The following TMEM50B variants were observed in gnomAD, a reference collection of about 807,000 sequenced individuals.
The protein encoded by TMEM50B is HCV p7-trans-regulated protein 3.
Under a neutral mutation model 23.4 loss-of-function variants are expected in TMEM50B, and 14 were observed. The ratio of observed to expected loss-of-function variants is 0.60; its 90% CI spans 0.39 to 0.93. The LOEUF (loss-of-function observed/expected upper bound fraction) is 0.93, where lower values mean the gene tolerates loss of function less well. Among genes scored for constraint, TMEM50B ranks in the 40% least tolerant of loss-of-function variants. The pLI is 0.00. For synonymous variants in TMEM50B, 64 were observed against 62.3 expected (o/e 1.03, Z -0.13); for missense variants, 159 against 193.0 (o/e 0.82, Z 1.04).
At chr21:33,455,886 ACTG>A in intron 5 of TMEM50B, 102 bp from the exon 6 acceptor site, 1 of 838,612 alleles carries the variant, frequency 1.2e-6, no homozygotes, top group Non-Finnish European at 2.1e-6. Context: ...ATTACAACAT[ACTG>A]CTATTATTCA....
intron 8 of TMEM50B, chr21:33,436,729 AT>A: frequency 4.0e-6 from 4 of 994,666 alleles, no homozygotes; most frequent in Non-Finnish European, 5.9e-6. Context: ...CAAAAAAAAA[AT>A]AAAAATAAAA....
intron 8 of TMEM50B, chr21:33,437,253 T>A (rs182759952): frequency 5.3e-6 from 2 of 377,202 alleles, no homozygotes; most frequent in East Asian, 1.2e-4. Flanking sequence ...GCAAAATGGA[T>A]ATGACACATC....
intron 1 of TMEM50B, among the ~76,000 whole-genome samples, chr21:33,476,875 CAA>C (rs1244407779): frequency 6.6e-6 from 1 of 151,280 alleles, no homozygotes. Flanking sequence ...CCTAGAACGA[CAA>C]AAAGATTTTC....
chr21:33,470,036 A>G (rs2084298675), intron 1 of TMEM50B, among the ~76,000 whole-genome samples: 1 of 152,200 alleles, frequency 6.6e-6, no homozygotes, highest in Non-Finnish European at 1.5e-5. Flanking sequence ...GTAGCATACT[A>G]TTTTTAAAAA....
chr21:33,441,271 C>T (rs372459609), intron 7 of TMEM50B, among the ~76,000 whole-genome samples: 1 of 152,012 alleles, frequency 6.6e-6, no homozygotes, highest in Non-Finnish European at 1.5e-5. Flanking sequence ...TTTAAAGAAG[C>T]CTGCATAGTC....
chr21:33,457,424 T>G (rs1340709815), intron 5 of TMEM50B, among the ~76,000 whole-genome samples: 1 of 151,780 alleles, frequency 6.6e-6, no homozygotes, highest in East Asian at 1.9e-4. Flanking sequence ...CCAAGGTGGG[T>G]AGATCGTCTG....
At chr21:33,432,492 T>G (rs879072597) in exon 9 of TMEM50B, 16 of 882,802 alleles carry the variant, frequency 1.8e-5, no homozygotes, top group Non-Finnish European at 2.8e-5. Context: ...GTGCTGAGAT[T>G]TGCAGTAGTG....
intron 7 of TMEM50B, among the ~76,000 whole-genome samples, chr21:33,440,957 C>T (rs568016190): frequency 1.3e-5 from 2 of 151,906 alleles, no homozygotes; most frequent in South Asian, 4.2e-4. Context: ...TGGCAGGGCA[C>T]GGCGGCTCAC....
chr21:33,454,836 G>A (rs1428848854), intron 6 of TMEM50B, among the ~76,000 whole-genome samples: 11 of 151,782 alleles, frequency 7.2e-5, no homozygotes, highest in Non-Finnish European at 1.5e-5. Context: ...TATAAAATGG[G>A]AATAACACTG....
At chr21:33,456,883 A>C (rs767028834) in intron 5 of TMEM50B, among the ~76,000 whole-genome samples, 2 of 152,264 alleles carry the variant, frequency 1.3e-5, no homozygotes, top group East Asian at 3.8e-4. Context: ...TAGTTCAAGC[A>C]AATCTGTACA....
intron 1 of TMEM50B, among the ~76,000 whole-genome samples, chr21:33,476,196 C>G (rs1480687579): frequency 6.6e-6 from 1 of 152,154 alleles, no homozygotes; most frequent in Non-Finnish European, 1.5e-5. Flanking sequence ...GAGTTCAAGA[C>G]CAGCCTGACA....
At chr21:33,452,168 T>G (rs2084127686) in intron 6 of TMEM50B, among the ~76,000 whole-genome samples, 1 of 152,218 alleles carries the variant, frequency 6.6e-6, no homozygotes, top group Non-Finnish European at 1.5e-5. Flanking sequence ...TCATAACAAC[T>G]TACCATATCC....
chr21:33,471,645 AG>A (rs200054596), intron 1 of TMEM50B, among the ~76,000 whole-genome samples: 1,528 of 152,266 alleles, frequency 0.01, 32 homozygotes, highest in African/African-American at 0.035. Flanking sequence ...AGGTCGAGGC[AG>A]GAAGATTGCT....
chr21:33,461,045 T>C (rs1346323248), intron 4 of TMEM50B, among the ~76,000 whole-genome samples: 1 of 152,214 alleles, frequency 6.6e-6, no homozygotes, highest in Admixed American at 6.5e-5. Flanking sequence ...TCTTCAACCC[T>C]GTATTGAACA....
At chr21:33,475,823 ACG>A (rs1357387983) in intron 1 of TMEM50B, among the ~76,000 whole-genome samples, 1 of 151,990 alleles carries the variant, frequency 6.6e-6, no homozygotes, top group Non-Finnish European at 1.5e-5. Context: ...GCGTGGTGGC[ACG>A]CACCTGTAGT....
In TMEM50B at chr21:33,433,016, G is replaced by A. The variant is rs1323827125; in HGVS notation, c.*2121-214C>T. 8 of 724,412 alleles carry A rather than the reference G, an allele frequency of 1.1e-5. No individual in the cohort carries two copies. In the Admixed American group the frequency reaches 1.6e-4, roughly 15 times the overall value. 44.9% of individuals were successfully genotyped at this position (724,412 alleles called of 1,614,324 possible). On this transcript the variant is annotated intron_variant and NMD_transcript_variant, in intron 8 of 8. Coordinates refer to the TMEM50B transcript ENST00000420455. Reference sequence around the variant, plus strand: ...TTCTCCTGCCTCAGCCTCCTGAGTAGCTGGTATTACAAGTGCTCACCACCA... The same window carrying A: ...TTCTCCTGCCTCAGCCTCCTGAGTAACTGGTATTACAAGTGCTCACCACCA...
chr21:33,437,982 CAAAA>C (rs61317224), intron 8 of TMEM50B, among the ~76,000 whole-genome samples: 5 of 96,692 alleles, frequency 5.2e-5, no homozygotes, highest in Admixed American at 1.2e-4. Context: ...GACCCTATCT[CAAAA>C]AAAAAAAAAA....
chr21:33,471,451 T>C (rs771505046), intron 1 of TMEM50B, among the ~76,000 whole-genome samples: 2 of 152,100 alleles, frequency 1.3e-5, no homozygotes, highest in Non-Finnish European at 2.9e-5. Context: ...GACTCAGATA[T>C]TGAAATTAGC....
rs17883885 is a variant in TMEM50B, at chr21:33,435,250, C to T, written c.*2121-2448G>A. ...AAGGCCCTCGCTCCCAGATTCTCTG[C>T]TTGCTGTGCGCTGGTGCAAGGGGAG... On this transcript the variant is annotated intron_variant and NMD_transcript_variant, in intron 8 of 8. Transcript: ENST00000420455. 6.2e-3 allele frequency among the ~76,000 whole-genome samples: 948 copies of T among 152,244 alleles called. 13 individuals carry two copies. Among genetic ancestry groups the T allele is most frequent in the African/African-American group, 0.021 (892 of 41,546 alleles).
Sources: gnomAD v4.1 joint callset for allele counts (sites outside exome capture counted in the v4.1 genomes callset) on GRCh38, gnomAD v4.1.1 for gene constraint, MANE v1.5 for transcripts, NCBI Gene and HGNC (gene_info 2026-07-23, HGNC 2026-07-21) for gene names.